Variants in PTPRN2 observed in about 807,000 individuals in gnomAD.
PTPRN2 encodes receptor-type tyrosine-protein phosphatase N2.
In PTPRN2, 74 loss-of-function variants were observed where a neutral mutation model predicts 118.8. The ratio of observed to expected loss-of-function variants is 0.62; its 90% CI spans 0.52 to 0.76. The LOEUF is 0.76. Ranked by LOEUF, PTPRN2 falls within the 30% of genes least tolerant of loss-of-function variation. The pLI, the probability that PTPRN2 is intolerant of heterozygous loss-of-function variation, is 0.00. For missense variants in PTPRN2, 1,481 were observed against 1,394.4 expected, an observed-to-expected ratio of 1.06 and a Z score of -0.99; for synonymous variants, 641 against 608.0, an observed-to-expected ratio of 1.05 and a Z score of -0.80.
At chr7:158,523,820 GCCCTGGAGTGGAGTCGTCTA>G (rs1455946312) in intron 1 of PTPRN2, among the ~76,000 whole-genome samples, 1 of 51,952 alleles carries the variant, frequency 1.9e-5, no homozygotes, top group African/African-American at 9.8e-5. Context: ...AGTGGAGTCT[GCCCTGGAGTGGAGTCGTCTA>G]CCCTGGAGTG....
intron 2 of PTPRN2, among the ~76,000 whole-genome samples, chr7:158,437,602 G>T (rs147315547): frequency 9.2e-5 from 14 of 152,172 alleles, no homozygotes; most frequent in African/African-American, 3.4e-4. Context: ...TTCTTGGAAG[G>T]CTCAGTCACC....
At chr7:158,537,752 C>T (rs1462553873) in intron 1 of PTPRN2, 1 of 152,246 alleles carries the variant, frequency 6.6e-6, no homozygotes, top group Non-Finnish European at 1.5e-5. Context: ...AACTCGATTC[C>T]TTGCATATAA....
In PTPRN2 at chr7:158,082,590, C is replaced by G. The variant is rs534724951; in HGVS notation, c.1644-1213G>C. 9.2e-5 allele frequency among the ~76,000 whole-genome samples: 14 copies of G among 152,324 alleles called. No individual in the cohort carries two copies. In the South Asian group the frequency reaches 2.9e-3, roughly 32 times the overall value. On this transcript the variant is annotated intron_variant, in intron 10 of 22. Coordinates refer to ENST00000389418, the MANE Select transcript of PTPRN2 (RefSeq NM_002847.5). ...GGACGTCTTAGCATCACTTTGAACT[C>G]AACAAGGTCTCCCTTGAATCAGCGC...
intron 2 of PTPRN2, among the ~76,000 whole-genome samples, chr7:158,423,539 A>ATTT (rs11419691): frequency 4.0e-5 from 6 of 148,246 alleles, no homozygotes; most frequent in South Asian, 2.1e-4. Flanking sequence ...CTGGTTCCTC[A>ATTT]TTTTTTTTTT....
intron 15 of PTPRN2, among the ~76,000 whole-genome samples, chr7:157,614,427 C>A (rs990926932): frequency 6.6e-6 from 1 of 151,944 alleles, no homozygotes. Flanking sequence ...AGGTACCATT[C>A]ATATCAGGAA....
intron 6 of PTPRN2, among the ~76,000 whole-genome samples, chr7:158,142,840 G>A (rs541127938): frequency 3.3e-5 from 5 of 152,280 alleles, no homozygotes; most frequent in South Asian, 2.1e-4. Flanking sequence ...CCAGGTCAAC[G>A]GCACCCATGC....
intron 12 of PTPRN2, among the ~76,000 whole-genome samples, chr7:157,713,167 G>A (rs998325470): frequency 6.6e-6 from 1 of 152,002 alleles, no homozygotes; most frequent in African/African-American, 2.4e-5. Flanking sequence ...CTTGGGCAGG[G>A]CTCTTCTGGT....
At chr7:157,989,108 C>T (rs1387487278) in intron 11 of PTPRN2, among the ~76,000 whole-genome samples, 1 of 152,252 alleles carries the variant, frequency 6.6e-6, no homozygotes, top group Non-Finnish European at 1.5e-5. Flanking sequence ...CGGCACAGCT[C>T]AGGCTGAGTC....
intron 2 of PTPRN2, among the ~76,000 whole-genome samples, chr7:158,416,644 G>A (rs1276607418): frequency 6.6e-6 from 1 of 152,140 alleles, no homozygotes; most frequent in Non-Finnish European, 1.5e-5. Flanking sequence ...GAATGAAAAG[G>A]GATGGTGCTG....
chr7:158,518,647 G>A (rs568724071), intron 1 of PTPRN2, among the ~76,000 whole-genome samples: 11 of 152,268 alleles, frequency 7.2e-5, no homozygotes, highest in South Asian at 2.1e-4. Context: ...AGGGAAGGAC[G>A]AACCTTCCCC....
At chr7:158,545,693 T>C (rs1453612641) in intron 1 of PTPRN2, among the ~76,000 whole-genome samples, 2 of 152,186 alleles carry the variant, frequency 1.3e-5, no homozygotes, top group Admixed American at 1.3e-4. Flanking sequence ...ATCCTGTCCC[T>C]GTTTCCTTCA....
chr7:158,198,256 A>G (rs917306095), intron 4 of PTPRN2, among the ~76,000 whole-genome samples: 1 of 152,170 alleles, frequency 6.6e-6, no homozygotes, highest in Non-Finnish European at 1.5e-5. Flanking sequence ...CGGCAATGAG[A>G]GGGTTTATCA....
At chr7:158,166,822 G>A (rs1294576059) in intron 6 of PTPRN2, 109 bp downstream of exon 6, 45 of 1,298,778 alleles carry the variant, frequency 3.5e-5, no homozygotes, top group Non-Finnish European at 4.3e-5. Flanking sequence ...CCTCGGGGGA[G>A]TGCGGTGTGC....
chr7:158,578,462 G>T (rs1828456135), intron 1 of PTPRN2, among the ~76,000 whole-genome samples: 2 of 148,140 alleles, frequency 1.4e-5, no homozygotes. Flanking sequence ...TTGAGCCCAG[G>T]AGTTCAGGGC....
Position 157,610,798 on chromosome 7 carries a change from C to T in PTPRN2, c.2345-6723G>A, listed in dbSNP as rs1205983632. Reference sequence around the variant, plus strand: ...TTCTGAAGGGGCAGGTCCTCTTCCTCCCACACGCTCCTGTCCTTAGTCAGC... The same window carrying T: ...TTCTGAAGGGGCAGGTCCTCTTCCTTCCACACGCTCCTGTCCTTAGTCAGC... On this transcript the variant is annotated intron_variant, in intron 15 of 22. Transcript: ENST00000389418. The surrounding 1 kb of genome is among the most constrained non-coding windows in gnomAD (Gnocchi z 5.1). 6.6e-6 allele frequency among the ~76,000 whole-genome samples: 1 copy of T among 152,244 alleles called. No individual in the cohort carries two copies.
At chr7:157,952,056 C>A (rs1563268263) in intron 11 of PTPRN2, among the ~76,000 whole-genome samples, 1 of 152,228 alleles carries the variant, frequency 6.6e-6, no homozygotes. Flanking sequence ...GCTCCAGGTG[C>A]CTGCTCTCCT....
At chr7:157,931,799 C>T (rs1271863640) in intron 11 of PTPRN2, among the ~76,000 whole-genome samples, 1 of 152,096 alleles carries the variant, frequency 6.6e-6, no homozygotes, top group African/African-American at 2.4e-5. Flanking sequence ...GGCTGCCGTG[C>T]AGGGCGGGGC....
At chr7:158,502,059 C>G (rs569248784) in intron 1 of PTPRN2, among the ~76,000 whole-genome samples, 1 of 152,226 alleles carries the variant, frequency 6.6e-6, no homozygotes, top group Non-Finnish European at 1.5e-5. Context: ...TTCCGACTCT[C>G]TGCTCCTCTC....
chr7:158,505,813 G>A (rs1305145438), intron 1 of PTPRN2, among the ~76,000 whole-genome samples: 4 of 152,280 alleles, frequency 2.6e-5, no homozygotes, highest in South Asian at 2.1e-4. Context: ...CATGCCCTGC[G>A]TCCTTAAGGG....
Sources: allele counts gnomAD v4.1 joint callset (sites outside exome capture counted in the v4.1 genomes callset), GRCh38; gene constraint gnomAD v4.1.1; non-coding constraint Gnocchi (gnomAD v3.1); transcripts MANE v1.5; gene names NCBI Gene and HGNC (gene_info 2026-07-23, HGNC 2026-07-21).